The following PRKN variants were observed in gnomAD, a reference collection of about 807,000 sequenced individuals.
PRKN encodes parkin RBR E3 ubiquitin protein ligase, also known as E3 ubiquitin-protein ligase parkin.
Under a neutral mutation model 59.5 loss-of-function variants are expected in PRKN, and 56 were observed. The observed-to-expected ratio is 0.94, with a 90% CI of 0.76 to 1.18. PRKN has a LOEUF of 1.18. PRKN is among the 50% of genes most tolerant of loss of function. The pLI, the probability that PRKN is intolerant of heterozygous loss-of-function variation, is 0.00. For synonymous variants in PRKN, 250 were observed against 222.1 expected (o/e 1.13, Z -1.12); for missense variants, 657 against 596.4 (o/e 1.10, Z -1.06).
chr6:162,282,328 T>TAA (rs373092744), intron 2 of PRKN, among the ~76,000 whole-genome samples: 9 of 150,240 alleles, frequency 6.0e-5, no homozygotes, highest in African/African-American at 1.9e-4. Context: ...AAGAGTATAT[T>TAA]AAAAAAAAAA....
At chr6:161,464,545 T>C (rs1284837561) in intron 9 of PRKN, among the ~76,000 whole-genome samples, 3 of 152,224 alleles carry the variant, frequency 2.0e-5, no homozygotes, top group African/African-American at 7.2e-5. Flanking sequence ...AACCTTTCCA[T>C]GTTCTGAAAA....
intron 7 of PRKN, among the ~76,000 whole-genome samples, chr6:161,706,422 T>C (rs190531670): frequency 7.2e-5 from 11 of 152,324 alleles, no homozygotes; most frequent in Middle Eastern, 6.8e-3. Flanking sequence ...CCTCTCAAAA[T>C]GCATCTCGGA....
At position 161,850,067 on chromosome 6, in the gene PRKN, G is replaced by T. The variant is rs530940663; in HGVS notation, c.735-64159C>A. ...CGGTCACCCTCCTTCCCTCATGGTGGGAGCCAGGGAAGCTGACGCTACTAC... is the reference window on the plus strand; with the variant it reads ...CGGTCACCCTCCTTCCCTCATGGTGTGAGCCAGGGAAGCTGACGCTACTAC... On this transcript the variant is annotated intron_variant, in intron 6 of 11. Coordinates refer to ENST00000366898, the MANE Select transcript of PRKN (RefSeq NM_004562.3). 3.0e-4 allele frequency among the ~76,000 whole-genome samples: 45 copies of T among 152,192 alleles called. No individual in the cohort carries two copies. In the South Asian group the frequency reaches 9.2e-3, roughly 31 times the overall value.
At chr6:161,607,945 G>C (rs1012519715) in intron 7 of PRKN, among the ~76,000 whole-genome samples, 2 of 152,180 alleles carry the variant, frequency 1.3e-5, no homozygotes, top group African/African-American at 4.8e-5. Flanking sequence ...AGCCCTGAAA[G>C]CTTGAACAGA....
chr6:161,744,721 G>A (rs934114665), intron 7 of PRKN, among the ~76,000 whole-genome samples: 1 of 152,202 alleles, frequency 6.6e-6, no homozygotes. Context: ...TGCATGGGCA[G>A]GCCTGTTCCA....
chr6:161,941,495 T>C (rs1165190492), intron 6 of PRKN, among the ~76,000 whole-genome samples: 9 of 152,328 alleles, frequency 5.9e-5, no homozygotes, highest in Non-Finnish European at 1.3e-4. Context: ...CTCACTCTCA[T>C]TCTCCAAGGC....
intron 9 of PRKN, among the ~76,000 whole-genome samples, chr6:161,406,983 C>G (rs564367564): frequency 6.6e-6 from 1 of 152,108 alleles, no homozygotes; most frequent in Non-Finnish European, 1.5e-5. Context: ...TGAGCTTAGG[C>G]CAGCCAAGGT....
intron 1 of PRKN, among the ~76,000 whole-genome samples, chr6:162,705,423 G>A (rs1470530843): frequency 6.6e-6 from 1 of 152,150 alleles, no homozygotes; most frequent in African/African-American, 2.4e-5. Context: ...TTAATCAAGA[G>A]GAATCTGGTA....
chr6:161,762,272 G>A (rs997019738), intron 7 of PRKN, among the ~76,000 whole-genome samples: 1 of 152,212 alleles, frequency 6.6e-6, no homozygotes, highest in African/African-American at 2.4e-5. Flanking sequence ...ACAGCAGTGG[G>A]AGAACCTGAC....
chr6:161,577,735 T>C (rs1781186671), intron 7 of PRKN, among the ~76,000 whole-genome samples: 1 of 152,196 alleles, frequency 6.6e-6, no homozygotes, highest in Admixed American at 6.5e-5. Context: ...TATATTAAAA[T>C]TGATGCAGAT....
chr6:162,332,712 T>C (rs1175316103), intron 2 of PRKN, among the ~76,000 whole-genome samples: 1 of 152,140 alleles, frequency 6.6e-6, no homozygotes, highest in Non-Finnish European at 1.5e-5. Flanking sequence ...AATCGCACTG[T>C]GTGAATGGTG....
chr6:161,600,479 G>C (rs1450846773), intron 7 of PRKN, among the ~76,000 whole-genome samples: 2 of 152,052 alleles, frequency 1.3e-5, no homozygotes, highest in Non-Finnish European at 2.9e-5. Flanking sequence ...AGATACTTTA[G>C]GTAAGAGATA....
At chr6:161,675,213 C>G (rs544271045) in intron 7 of PRKN, among the ~76,000 whole-genome samples, 2 of 152,212 alleles carry the variant, frequency 1.3e-5, no homozygotes, top group South Asian at 4.2e-4. Context: ...AACCCAACTC[C>G]CCAGTATTTG....
intron 4 of PRKN, among the ~76,000 whole-genome samples, chr6:162,085,367 C>T (rs1779209751): frequency 6.6e-6 from 1 of 151,870 alleles, no homozygotes; most frequent in South Asian, 2.1e-4. Flanking sequence ...GAATAGCTTT[C>T]AATCTAGATA....
intron 2 of PRKN, among the ~76,000 whole-genome samples, chr6:162,442,240 G>A (rs1162991099): frequency 6.6e-6 from 1 of 152,152 alleles, no homozygotes; most frequent in East Asian, 1.9e-4. Context: ...AAGAGACAGG[G>A]AAAGGATGCA....
At chr6:162,005,774 T>C (rs75731632) in intron 5 of PRKN, among the ~76,000 whole-genome samples, 11,978 of 152,144 alleles carry the variant, frequency 0.079, 539 homozygotes, top group Middle Eastern at 0.11. Flanking sequence ...CTAACCTTTT[T>C]TGGGGGGAAA....
intron 9 of PRKN, among the ~76,000 whole-genome samples, chr6:161,521,603 T>C (rs1199955098): frequency 2.0e-5 from 3 of 152,246 alleles, no homozygotes; most frequent in Non-Finnish European, 4.4e-5. Flanking sequence ...TGCTACATTT[T>C]AAAGTATCCT....
At chr6:162,505,983 T>A (rs1047319851) in intron 1 of PRKN, among the ~76,000 whole-genome samples, 1 of 152,168 alleles carries the variant, frequency 6.6e-6, no homozygotes, top group Admixed American at 6.5e-5. Context: ...AGTTCCTATA[T>A]TGCTTCAGTT....
At chr6:161,479,675 C>CT (rs1165115578) in intron 9 of PRKN, among the ~76,000 whole-genome samples, 2 of 152,172 alleles carry the variant, frequency 1.3e-5, no homozygotes, top group Non-Finnish European at 2.9e-5. Flanking sequence ...TTAAGGGCTT[C>CT]TTTTAAAAGG....
Sources: gnomAD v4.1 joint callset for allele counts (sites outside exome capture counted in the v4.1 genomes callset) on GRCh38, gnomAD v4.1.1 for gene constraint, MANE v1.5 for transcripts, NCBI Gene and HGNC (gene_info 2026-07-23, HGNC 2026-07-21) for gene names.